The following CLDN14 variants were observed in gnomAD, a reference collection of about 807,000 sequenced individuals.
CLDN14 encodes the protein claudin-14.
CLDN14 carries 2 observed loss-of-function variants against 2.1 expected under a neutral mutation model. The observed-to-expected ratio is 0.96, with a 90% CI of 0.39 to 3.01. CLDN14 has a LOEUF of 3.01. Ranked by LOEUF, CLDN14 falls within the 30% of genes most tolerant of loss-of-function variation. The pLI is 0.09. For missense variants in CLDN14, 298 were observed against 328.0 expected, an observed-to-expected ratio of 0.91 and a Z score of 0.71; for synonymous variants, 136 against 154.4, an observed-to-expected ratio of 0.88 and a Z score of 0.88.
chr21:36,462,342 C>T (rs1435394076), intron 1 of CLDN14, among the ~76,000 whole-genome samples: 3 of 151,102 alleles, frequency 2.0e-5, no homozygotes, highest in African/African-American at 7.4e-5. Context: ...GATGCCGGGG[C>T]AGGAATTTCC....
chr21:36,500,457 AGTC>A (rs2087083271), intron 2 of CLDN14, among the ~76,000 whole-genome samples: 1 of 152,080 alleles, frequency 6.6e-6, no homozygotes, highest in Non-Finnish European at 1.5e-5. Flanking sequence ...ATTTAGACAG[AGTC>A]TTGTTCTGTT....
chr21:36,516,974 G>T (rs563140475), intron 1 of CLDN14, among the ~76,000 whole-genome samples: 1 of 152,290 alleles, frequency 6.6e-6, no homozygotes, highest in South Asian at 2.1e-4. Context: ...GAAGTAGCTG[G>T]AATTACAGGC....
intron 1 of CLDN14, among the ~76,000 whole-genome samples, chr21:36,517,639 G>C (rs1025771322): frequency 2.0e-5 from 3 of 152,140 alleles, no homozygotes; most frequent in Non-Finnish European, 4.4e-5. Flanking sequence ...TAAATTTCAG[G>C]CAATGTTGGA....
intron 1 of CLDN14, among the ~76,000 whole-genome samples, chr21:36,532,692 G>A (rs1165865924): frequency 6.6e-6 from 1 of 152,204 alleles, no homozygotes; most frequent in Non-Finnish European, 1.5e-5. Context: ...CCAGTTTGGT[G>A]GGGTTGAACG....
chr21:36,509,689 G>A (rs1335318330), intron 2 of CLDN14, among the ~76,000 whole-genome samples: 1 of 152,088 alleles, frequency 6.6e-6, no homozygotes, highest in African/African-American at 2.4e-5. Context: ...TCCGCCTCCC[G>A]GCTTCAAGTG....
chr21:36,555,302 A>AAAAACACT (rs778029341), intron 1 of CLDN14, among the ~76,000 whole-genome samples: 25 of 151,902 alleles, frequency 1.6e-4, no homozygotes, highest in Non-Finnish European at 2.6e-4. Flanking sequence ...TGGAAAACAC[A>AAAAACACT]AGCCAAAAGA....
intron 1 of CLDN14, among the ~76,000 whole-genome samples, chr21:36,473,837 A>G (rs1214531556): frequency 6.6e-6 from 1 of 152,188 alleles, no homozygotes; most frequent in Non-Finnish European, 1.5e-5. Context: ...GCGATAGTGA[A>G]CGGTCAACCC....
chr21:36,466,157 G>T (rs2086643532), intron 1 of CLDN14, among the ~76,000 whole-genome samples: 1 of 152,154 alleles, frequency 6.6e-6, no homozygotes, highest in Non-Finnish European at 1.5e-5. Context: ...AATGTCTCAT[G>T]GGCAGCATCC....
At chr21:36,558,577 A>T (rs1371674889) in intron 1 of CLDN14, among the ~76,000 whole-genome samples, 1 of 152,018 alleles carries the variant, frequency 6.6e-6, no homozygotes, top group East Asian at 1.9e-4. Context: ...AAGAATGGCT[A>T]CTCTGTAGGC....
In CLDN14 at chr21:36,461,795, G is replaced by A; in HGVS notation, c.-81-19C>T. 1 of 1,473,876 alleles carries A rather than the reference G, an allele frequency of 6.8e-7. No homozygotes were observed. The highest frequency in any genetic ancestry group is 9.1e-7 in the Non-Finnish European group (1 of 1,095,744). The allele number at this position is 1,473,876 out of a possible 1,614,324, so 91.3% of individuals were successfully genotyped here. ...CGGAGCCCTAATGAAGCCAAGGGAG[G>A]CGGGAGCAGGGAGAGAAAGGAAATG... is the stretch of plus-strand genomic sequence containing the variant. On this transcript the variant is annotated intron_variant, in intron 1 of 1. Coordinates refer to ENST00000399135, the MANE Select transcript of CLDN14 (RefSeq NM_001146079.2).
At chr21:36,506,213 A>C (rs943008797) in intron 2 of CLDN14, among the ~76,000 whole-genome samples, 1 of 152,266 alleles carries the variant, frequency 6.6e-6, no homozygotes, top group African/African-American at 2.4e-5. Flanking sequence ...TTCTGCAGTT[A>C]CTGATATGCA....
chr21:36,498,238 C>T lies in CLDN14; in HGVS notation c.-82+12125G>A, dbSNP rs966184267. Among the ~76,000 whole-genome samples the T allele has an allele frequency of 1.2e-4, 18 of 152,072 alleles. No homozygotes were observed. The highest frequency in any genetic ancestry group is 1.8e-4 in the Non-Finnish European group (12 of 68,016). On this transcript the variant is annotated intron_variant, in intron 2 of 2. Coordinates refer to the CLDN14 transcript ENST00000342108. The surrounding 1 kb of genome is among the most constrained non-coding windows in gnomAD (Gnocchi z 4.9). ...CTGGTGTCGAACTCCTGACCTCAGGCGGTCCACCTGCCTTGGCCTCCCAAA... is the reference window on the plus strand; with the variant it reads ...CTGGTGTCGAACTCCTGACCTCAGGTGGTCCACCTGCCTTGGCCTCCCAAA...
At position 36,486,610 on chromosome 21, in the gene CLDN14, A is replaced by G. The variant is rs2086899947; in HGVS notation, c.-82+23753T>C. ...CTGCCACCAGATGAGAACCGCTTCC[A>G]TCTTTGCCATTCAACGTGTTTACAA... On this transcript the variant is annotated intron_variant, in intron 2 of 2. Transcript: ENST00000342108. 6 of 1,543,322 alleles carry G rather than the reference A, an allele frequency of 3.9e-6. No homozygotes were observed. The African/African-American group carries it at 5.5e-5, about 14-fold the overall frequency.
chr21:36,528,534 T>C (rs1351890985), intron 1 of CLDN14, among the ~76,000 whole-genome samples: 2 of 152,226 alleles, frequency 1.3e-5, no homozygotes, highest in Non-Finnish European at 2.9e-5. Context: ...CTGCTCTTCC[T>C]ACCAGGCTTC....
Position 36,499,903 on chromosome 21 carries a change from T to C in CLDN14, c.-82+10460A>G, listed in dbSNP as rs940332355. 6.6e-6 allele frequency among the ~76,000 whole-genome samples: 1 copy of C among 152,040 alleles called. No individual in the cohort carries two copies. The highest frequency in any genetic ancestry group is 1.5e-5 in the Non-Finnish European group (1 of 67,998). ...GGCTGGTGGAGAAAATCGGGGGGTC[T>C]CCGGAGCAACCCCGGGAGCAGTACT... On this transcript the variant is annotated intron_variant, in intron 2 of 2. Transcript: ENST00000342108. The surrounding 1 kb of genome is among the most constrained non-coding windows in gnomAD (Gnocchi z 4.7).
At chr21:36,466,559 A>G (rs1261217655) in intron 1 of CLDN14, 1 of 152,208 alleles carries the variant, frequency 6.6e-6, no homozygotes, top group Non-Finnish European at 1.5e-5. Context: ...AACCACCGAC[A>G]TGATTCAATT....
At chr21:36,483,159 A>C (rs1483693038), upstream of CLDN14, among the ~76,000 whole-genome samples, 1 of 152,116 alleles carries the variant, frequency 6.6e-6, no homozygotes, top group Non-Finnish European at 1.5e-5. Context: ...CCACCTCCAG[A>C]ATGAGTTGGC....
chr21:36,534,279 AT>A (rs2087406777), intron 1 of CLDN14, among the ~76,000 whole-genome samples: 3 of 152,128 alleles, frequency 2.0e-5, no homozygotes, highest in Admixed American at 2.0e-4. Context: ...AAAATTAATA[AT>A]TTCAAAGACA....
chr21:36,514,620 A>T (rs138936166), intron 1 of CLDN14, among the ~76,000 whole-genome samples: 1,055 of 9,998 alleles, frequency 0.11, 16 homozygotes, highest in Middle Eastern at 0.38. Flanking sequence ...ATCGTGAGAG[A>T]AAGTGTGTGT....
Sources: allele counts gnomAD v4.1 joint callset (sites outside exome capture counted in the v4.1 genomes callset), GRCh38; gene constraint gnomAD v4.1.1; non-coding constraint Gnocchi (gnomAD v3.1); transcripts MANE v1.5; gene names NCBI Gene and HGNC (gene_info 2026-07-23, HGNC 2026-07-21).